Variants in PRKG1 observed in about 807,000 individuals in gnomAD.
PRKG1 encodes the protein protein kinase cGMP-dependent 1, also known as cGMP-dependent protein kinase 1.
Under a neutral mutation model 88.1 loss-of-function variants are expected in PRKG1, and 35 were observed. The ratio of observed to expected loss-of-function variants is 0.40; its 90% CI spans 0.30 to 0.53. PRKG1 has a LOEUF of 0.53. Ranked by LOEUF, PRKG1 falls within the 20% of genes least tolerant of loss-of-function variation. The pLI, the probability that PRKG1 is intolerant of heterozygous loss-of-function variation, is 0.59. For missense variants in PRKG1, 540 were observed against 839.8 expected (o/e 0.64, Z 4.41); for synonymous variants, 303 against 292.5 (o/e 1.04, Z -0.37).
intron 2 of PRKG1, among the ~76,000 whole-genome samples, chr10:51,201,564 T>C (rs1255506910): frequency 6.6e-6 from 1 of 152,256 alleles, no homozygotes; most frequent in Non-Finnish European, 1.5e-5. Context: ...ATGGAATAAA[T>C]GCCTGTGTCT....
intron 2 of PRKG1, among the ~76,000 whole-genome samples, chr10:51,242,578 C>T (rs1173870848): frequency 6.6e-6 from 1 of 152,084 alleles, no homozygotes; most frequent in Non-Finnish European, 1.5e-5. Context: ...AGATACAATC[C>T]CTGCCCTCAA....
chr10:51,172,632 GTATGTATGTATGTATGTATC>G lies in PRKG1; in HGVS notation c.478+19306_478+19325del, dbSNP rs1281568598. Among the ~76,000 whole-genome samples the G allele has an allele frequency of 8.8e-3, 528 of 59,954 alleles. 3 individuals are homozygous for G. The highest frequency in any genetic ancestry group is 0.038 in the African/African-American group (477 of 12,622). 39.3% of individuals were successfully genotyped at this position (59,954 alleles called of 152,430 possible). ...TGTATGTATGTATGTATGTATGTATGTATGTATGTATGTATGTATCTATCTATCTATCTATCTATCTATCT... is the reference window on the plus strand; with the variant it reads ...TGTATGTATGTATGTATGTATGTATGTATCTATCTATCTATCTATCTATCT... On this transcript the variant is annotated intron_variant, in intron 2 of 17. Transcript: ENST00000373980.
chr10:51,331,364 C>T (rs1344678851), intron 2 of PRKG1, among the ~76,000 whole-genome samples: 4 of 152,066 alleles, frequency 2.6e-5, no homozygotes, highest in Non-Finnish European at 5.9e-5. Context: ...AAACTTGGAG[C>T]TTCGTGGTCT....
chr10:51,751,961 T>C (rs1837736791), intron 3 of PRKG1, among the ~76,000 whole-genome samples: 1 of 152,238 alleles, frequency 6.6e-6, no homozygotes, highest in Non-Finnish European at 1.5e-5. Flanking sequence ...ATACATTTTA[T>C]CTTTTACGTG....
intron 9 of PRKG1, among the ~76,000 whole-genome samples, chr10:52,189,571 T>G (rs905603622): frequency 6.6e-6 from 1 of 152,154 alleles, no homozygotes; most frequent in Non-Finnish European, 1.5e-5. Context: ...GGGCACTCCT[T>G]ATGAGAATCT....
intron 6 of PRKG1, among the ~76,000 whole-genome samples, chr10:52,056,370 T>C (rs748421796): frequency 2.0e-4 from 30 of 152,324 alleles, no homozygotes; most frequent in Non-Finnish European, 2.9e-4. Flanking sequence ...TTCGCTATGA[T>C]GCAATGATGT....
At chr10:51,339,457 C>G (rs992698317) in intron 2 of PRKG1, among the ~76,000 whole-genome samples, 19 of 151,956 alleles carry the variant, frequency 1.3e-4, no homozygotes, top group African/African-American at 4.6e-4. Flanking sequence ...AAGTTTCCAG[C>G]TTTTTTCCTG....
At chr10:51,376,410 T>C (rs1842817453) in intron 2 of PRKG1, among the ~76,000 whole-genome samples, 1 of 152,228 alleles carries the variant, frequency 6.6e-6, no homozygotes, top group East Asian at 1.9e-4. Context: ...AATGATTAAA[T>C]CTTTCACCAT....
At chr10:52,229,599 TC>T (rs1840475796) in intron 9 of PRKG1, among the ~76,000 whole-genome samples, 1 of 152,182 alleles carries the variant, frequency 6.6e-6, no homozygotes. Flanking sequence ...TGTGAATGCC[TC>T]TCAGGAATCA....
At chr10:51,855,240 T>G (rs1937710) in intron 4 of PRKG1, among the ~76,000 whole-genome samples, 1 of 151,998 alleles carries the variant, frequency 6.6e-6, no homozygotes, top group Non-Finnish European at 1.5e-5. Context: ...CAAGGCTTGA[T>G]TGAGTCATGA....
Position 51,881,003 on chromosome 10 carries a change from C to G in PRKG1, c.699-26504C>G, listed in dbSNP as rs140351873. Among the ~76,000 whole-genome samples the G allele has an allele frequency of 3.7e-5, 5 of 133,880 alleles. No homozygotes were observed. In the East Asian group the frequency reaches 1.1e-3, roughly 29 times the overall value. 87.8% of individuals were successfully genotyped at this position (133,880 alleles called of 152,430 possible). On this transcript the variant is annotated intron_variant, in intron 4 of 17. Coordinates refer to ENST00000373980, the MANE Select transcript of PRKG1 (RefSeq NM_006258.4). ...AAAAGGCTTGTATAAGAGTAAATGACAAGTAGGAGTTACTTAGAGAAAAGG... is the reference window on the plus strand; with the variant it reads ...AAAAGGCTTGTATAAGAGTAAATGAGAAGTAGGAGTTACTTAGAGAAAAGG...
At chr10:51,141,674 T>G (rs1435500717) in intron 1 of PRKG1, among the ~76,000 whole-genome samples, 1 of 152,198 alleles carries the variant, frequency 6.6e-6, no homozygotes, top group African/African-American at 2.4e-5. Flanking sequence ...TAAAATCACA[T>G]TGATTTATCT....
chr10:52,002,908 A>C (rs983651551), intron 5 of PRKG1, among the ~76,000 whole-genome samples: 1 of 152,210 alleles, frequency 6.6e-6, no homozygotes, highest in African/African-American at 2.4e-5. Flanking sequence ...AAAGTGTGAG[A>C]GTAAACATAA....
At chr10:51,465,857 GC>G (rs1839892724) in intron 2 of PRKG1, among the ~76,000 whole-genome samples, 1 of 151,926 alleles carries the variant, frequency 6.6e-6, no homozygotes, top group Non-Finnish European at 1.5e-5. Context: ...AAGAAATTAT[GC>G]CAGTGATAAG....
chr10:52,197,350 A>T (rs1197627333), intron 9 of PRKG1, among the ~76,000 whole-genome samples: 2 of 152,214 alleles, frequency 1.3e-5, no homozygotes, highest in African/African-American at 2.4e-5. Context: ...TGAGGACAAG[A>T]TTATACCAAG....
intron 3 of PRKG1, among the ~76,000 whole-genome samples, chr10:51,798,952 G>A (rs1839091587): frequency 6.6e-6 from 1 of 151,950 alleles, no homozygotes; most frequent in Non-Finnish European, 1.5e-5. Flanking sequence ...TCGAATATTA[G>A]GGTCAAATTC....
At chr10:51,778,961 G>T (rs1181578841) in intron 3 of PRKG1, among the ~76,000 whole-genome samples, 2 of 152,140 alleles carry the variant, frequency 1.3e-5, no homozygotes, top group Non-Finnish European at 2.9e-5. Flanking sequence ...AATATGAAAA[G>T]ATGGTTGGTT....
chr10:51,904,698 T>A (rs1222834812), intron 4 of PRKG1, among the ~76,000 whole-genome samples: 1 of 152,106 alleles, frequency 6.6e-6, no homozygotes, highest in Middle Eastern at 3.2e-3. Context: ...TATTTTAGAG[T>A]GTTTCTTCTT....
intron 9 of PRKG1, among the ~76,000 whole-genome samples, chr10:52,244,239 T>C (rs750528145): frequency 2.6e-5 from 4 of 152,038 alleles, no homozygotes; most frequent in Non-Finnish European, 5.9e-5. Context: ...ATAGGTACTT[T>C]AGAAAATTTT....
Sources: gnomAD v4.1 joint callset for allele counts (sites outside exome capture counted in the v4.1 genomes callset) on GRCh38, gnomAD v4.1.1 for gene constraint, MANE v1.5 for transcripts, NCBI Gene and HGNC (gene_info 2026-07-23, HGNC 2026-07-21) for gene names.